The following CACNB2 variants were observed in gnomAD, a reference collection of about 807,000 sequenced individuals.
CACNB2 encodes calcium voltage-gated channel auxiliary subunit beta 2.
A neutral mutation model predicts 73.3 loss-of-function variants in CACNB2; 42 were observed. The ratio of observed to expected loss-of-function variants is 0.57; its 90% CI spans 0.45 to 0.74. The LOEUF (loss-of-function observed/expected upper bound fraction) is 0.74, where lower values mean the gene tolerates loss of function less well. Among genes scored for constraint, CACNB2 ranks in the 30% least tolerant of loss-of-function variants. The pLI, the probability that CACNB2 is intolerant of heterozygous loss-of-function variation, is 0.00. For synonymous variants in CACNB2, 348 were observed against 310.3 expected (o/e 1.12, Z -1.28); for missense variants, 940 against 853.0 (o/e 1.10, Z -1.27).
chr10:18,495,484 G>T (rs2049738174), intron 3 of CACNB2, among the ~76,000 whole-genome samples: 1 of 151,960 alleles, frequency 6.6e-6, no homozygotes, highest in Non-Finnish European at 1.5e-5. Context: ...CTCCCAAAGT[G>T]CTGCGATTAC....
chr10:18,498,518 AC>A (rs1290111730), intron 4 of CACNB2, 41 bp downstream of exon 4: 2 of 1,599,330 alleles, frequency 1.3e-6, no homozygotes, highest in East Asian at 4.5e-5. Context: ...ATGATGTTTC[AC>A]CTTGACATAC....
At chr10:18,239,767 A>G (rs1564369042) in intron 2 of CACNB2, among the ~76,000 whole-genome samples, 1 of 152,208 alleles carries the variant, frequency 6.6e-6, no homozygotes, top group African/African-American at 2.4e-5. Context: ...ATACCAGTTA[A>G]TCATGGATCT....
At chr10:18,240,370 T>G (rs2036601104) in intron 2 of CACNB2, among the ~76,000 whole-genome samples, 1 of 152,152 alleles carries the variant, frequency 6.6e-6, no homozygotes, top group Non-Finnish European at 1.5e-5. Flanking sequence ...GGTTGTGGAT[T>G]CGGTTCCAAG....
chr10:18,280,792 A>G (rs977265631), intron 2 of CACNB2, among the ~76,000 whole-genome samples: 8 of 152,228 alleles, frequency 5.3e-5, no homozygotes, highest in African/African-American at 1.7e-4. Flanking sequence ...ACAGAAATCT[A>G]TTCTCTTTAT....
intron 2 of CACNB2, among the ~76,000 whole-genome samples, chr10:18,241,520 A>G (rs528169274): frequency 1.3e-5 from 2 of 152,024 alleles, no homozygotes; most frequent in South Asian, 2.1e-4. Flanking sequence ...CCACCATGGC[A>G]TATGTATACC....
chr10:18,467,123 C>A (rs2047935609), intron 3 of CACNB2, among the ~76,000 whole-genome samples: 2 of 152,166 alleles, frequency 1.3e-5, no homozygotes, highest in Non-Finnish European at 2.9e-5. Context: ...CACTGCACTA[C>A]AGCCCAGGCA....
At chr10:18,410,164 G>A (rs2044539065) in intron 3 of CACNB2, among the ~76,000 whole-genome samples, 1 of 152,062 alleles carries the variant, frequency 6.6e-6, no homozygotes, top group African/African-American at 2.4e-5. Context: ...CCTCTTGCAG[G>A]TACTCTTATT....
At chr10:18,495,581 GTGTGTGTGTGTA>G (rs2049754594) in intron 3 of CACNB2, among the ~76,000 whole-genome samples, 2 of 114,632 alleles carry the variant, frequency 1.7e-5, no homozygotes, top group African/African-American at 9.5e-5. Flanking sequence ...GTGTGTGTGT[GTGTGTGTGTGTA>G]TAAGAGATGA....
intron 6 of CACNB2, among the ~76,000 whole-genome samples, chr10:18,508,063 C>A (rs4350266): frequency 0.47 from 71,484 of 151,858 alleles, 17,486 homozygotes; most frequent in East Asian, 0.61. Flanking sequence ...GCATGAGCCA[C>A]CATGCCCAGC....
chr10:18,358,506 C>G (rs2042012658), intron 2 of CACNB2, among the ~76,000 whole-genome samples: 1 of 44,766 alleles, frequency 2.2e-5, no homozygotes, highest in Non-Finnish European at 4.9e-5. Context: ...CGCTCTCTCT[C>G]TCTCTCTCTC....
intron 7 of CACNB2, among the ~76,000 whole-genome samples, chr10:18,515,310 C>G (rs979434108): frequency 6.8e-6 from 1 of 147,316 alleles, no homozygotes; most frequent in Non-Finnish European, 1.5e-5. Context: ...GACCACTAAC[C>G]TCCCCCCAAA....
At chr10:18,481,412 A>T (rs1165132540) in intron 3 of CACNB2, among the ~76,000 whole-genome samples, 1 of 149,620 alleles carries the variant, frequency 6.7e-6, no homozygotes, top group African/African-American at 2.5e-5. Context: ...ATGCCCGGCT[A>T]GTTTTTGTAT....
At chr10:18,275,385 A>G (rs1319585256) in intron 2 of CACNB2, among the ~76,000 whole-genome samples, 1 of 152,220 alleles carries the variant, frequency 6.6e-6, no homozygotes, top group East Asian at 1.9e-4. Context: ...AAGGGGATAG[A>G]TACAAGAGAC....
chr10:18,446,422 A>T (rs1198197518), intron 3 of CACNB2, among the ~76,000 whole-genome samples: 2 of 152,176 alleles, frequency 1.3e-5, no homozygotes, highest in East Asian at 3.9e-4. Context: ...ATCTGTTGCA[A>T]TACTTGGGCA....
chr10:18,256,082 G>A (rs1021258156), intron 2 of CACNB2, among the ~76,000 whole-genome samples: 1 of 152,008 alleles, frequency 6.6e-6, no homozygotes, highest in African/African-American at 2.4e-5. Flanking sequence ...ATCTTCCATC[G>A]ATATTATCTA....
chr10:18,224,874 C>T (rs1230637957), intron 2 of CACNB2, among the ~76,000 whole-genome samples: 1 of 152,222 alleles, frequency 6.6e-6, no homozygotes. Flanking sequence ...GGCCTAAGCT[C>T]CGCCTCCTCC....
intron 3 of CACNB2, among the ~76,000 whole-genome samples, chr10:18,493,237 C>T (rs1159921667): frequency 5.3e-5 from 8 of 152,144 alleles, no homozygotes; most frequent in African/African-American, 9.7e-5. Flanking sequence ...GGCACAATCT[C>T]GGGTCACTGC....
At chr10:18,299,076 A>AT (rs1554787987) in intron 2 of CACNB2, among the ~76,000 whole-genome samples, 11 of 94,416 alleles carry the variant, frequency 1.2e-4, no homozygotes, top group East Asian at 1.1e-3. Context: ...CTAAAAAAAA[A>AT]AAAATAAAAA....
chr10:18,385,209 G>A (rs2043173799), intron 2 of CACNB2, among the ~76,000 whole-genome samples: 1 of 151,792 alleles, frequency 6.6e-6, no homozygotes, highest in African/African-American at 2.4e-5. Flanking sequence ...TTTGAACCCG[G>A]GAGGCAGAGG....
Sources: allele counts gnomAD v4.1 joint callset (sites outside exome capture counted in the v4.1 genomes callset), GRCh38; gene constraint gnomAD v4.1.1; transcripts MANE v1.5; gene names NCBI Gene and HGNC (gene_info 2026-07-23, HGNC 2026-07-21).